Variants in STK32A observed in about 807,000 individuals in gnomAD.
STK32A encodes the protein serine/threonine kinase 32A, also known as serine/threonine-protein kinase 32A.
STK32A carries 41 observed loss-of-function variants against 53.2 expected under a neutral mutation model. The ratio of observed to expected loss-of-function variants is 0.77; its 90% CI spans 0.60 to 1.00. STK32A has a LOEUF of 1.00. STK32A is among the 50% of genes least tolerant of loss of function. The probability of loss-of-function intolerance (pLI) is 0.00; values close to 1 mark genes in which losing one functional copy is unlikely to be tolerated. For synonymous variants in STK32A, 166 were observed against 162.8 expected (o/e 1.02, Z -0.15); for missense variants, 458 against 485.8 (o/e 0.94, Z 0.54).
At chr5:147,297,083 A>G (rs1752902030) in intron 4 of STK32A, among the ~76,000 whole-genome samples, 2 of 152,192 alleles carry the variant, frequency 1.3e-5, no homozygotes, top group Admixed American at 1.3e-4. Flanking sequence ...CCAAACCAAT[A>G]CACCTTAACC....
rs530186059 is a variant in STK32A at position 147,343,210 on chromosome 5, A to C, written c.472+167A>C. 227 of 789,486 alleles carry C rather than the reference A, an allele frequency of 2.9e-4. 3 individuals are homozygous for C. The South Asian group carries it at 3.0e-3, about 10-fold the overall frequency. The allele number at this position is 789,486 out of a possible 1,614,324, so 48.9% of individuals were successfully genotyped here. On this transcript the variant is annotated intron_variant, in intron 6 of 12. Transcript: ENST00000397936. ...ATGGGGGAACTTTATTACTTATGGC[A>C]GGTTATAGTACAACAATACACCCTT...
chr5:147,242,581 T>C (rs1300084546), intron 2 of STK32A, among the ~76,000 whole-genome samples: 1 of 152,064 alleles, frequency 6.6e-6, no homozygotes, highest in Non-Finnish European at 1.5e-5. Flanking sequence ...GCCTGAAAGA[T>C]GAGAAGAAGC....
At chr5:147,360,052 G>A (rs1017991474) in intron 7 of STK32A, among the ~76,000 whole-genome samples, 9 of 152,118 alleles carry the variant, frequency 5.9e-5, no homozygotes, top group African/African-American at 2.2e-4. Flanking sequence ...ATGAATGTTT[G>A]CCTCTCTAGA....
intron 4 of STK32A, 87 bp from the exon 5 acceptor site, chr5:147,323,806 ACTCTG>A: frequency 1.8e-6 from 2 of 1,120,658 alleles, no homozygotes; most frequent in Non-Finnish European, 2.5e-6. Context: ...GCTCAAGAAC[ACTCTG>A]CTCTGATCTG....
chr5:147,374,139 T>A (rs925439729), intron 10 of STK32A, among the ~76,000 whole-genome samples: 2 of 151,502 alleles, frequency 1.3e-5, no homozygotes, highest in Non-Finnish European at 2.9e-5. Flanking sequence ...GAAAAAAAAA[T>A]TAGGCAGGCG....
chr5:147,300,601 G>A (rs184868914), intron 4 of STK32A, among the ~76,000 whole-genome samples: 1 of 152,298 alleles, frequency 6.6e-6, no homozygotes, highest in African/African-American at 2.4e-5. Context: ...TAAGGCCTTT[G>A]GCTTCTGGTT....
At position 147,311,358 on chromosome 5, in the gene STK32A, G is replaced by GAAAA. The variant is rs1753685038; in HGVS notation, c.261-12538_261-12537insAAAA. Among the ~76,000 whole-genome samples, 4 of 152,134 alleles carry GAAAA rather than the reference G, an allele frequency of 2.6e-5. No homozygotes were observed. The South Asian group carries it at 8.3e-4, about 32-fold the overall frequency. ...TTATTCTCAGCACCTTGCACAACATGAATATACAAAAAATATTTGTAAAAT... is the reference window on the plus strand; with the variant it reads ...TTATTCTCAGCACCTTGCACAACATGAAAAAATATACAAAAAATATTTGTAAAAT... On this transcript the variant is annotated intron_variant, in intron 4 of 12. Transcript: ENST00000397936.
chr5:147,344,650 A>G (rs1200682574), intron 6 of STK32A, among the ~76,000 whole-genome samples: 1 of 152,186 alleles, frequency 6.6e-6, no homozygotes, highest in African/African-American at 2.4e-5. Context: ...CTTCTAGCCT[A>G]TAGAGGCCAC....
At chr5:147,290,785 A>G (rs1752564123) in intron 4 of STK32A, among the ~76,000 whole-genome samples, 1 of 152,178 alleles carries the variant, frequency 6.6e-6, no homozygotes, top group African/African-American at 2.4e-5. Flanking sequence ...TTCTGAAAAT[A>G]TGATTAAGTA....
intron 2 of STK32A, among the ~76,000 whole-genome samples, chr5:147,265,985 GGTAAA>G (rs1343169139): frequency 6.6e-6 from 1 of 152,046 alleles, no homozygotes; most frequent in Non-Finnish European, 1.5e-5. Flanking sequence ...CTTAAAAATG[GGTAAA>G]GTGCCAGCCG....
chr5:147,297,126 A>G (rs917787034), intron 4 of STK32A, among the ~76,000 whole-genome samples: 3 of 152,236 alleles, frequency 2.0e-5, no homozygotes, highest in African/African-American at 7.2e-5. Context: ...TCAACTAGGC[A>G]TTTCCAAAGA....
At chr5:147,336,743 C>T (rs564787182) in intron 5 of STK32A, among the ~76,000 whole-genome samples, 1 of 152,166 alleles carries the variant, frequency 6.6e-6, no homozygotes, top group Non-Finnish European at 1.5e-5. Flanking sequence ...ATAATTTTCC[C>T]TCACTCGCTC....
chr5:147,305,441 C>G (rs1753358542), intron 4 of STK32A, among the ~76,000 whole-genome samples: 1 of 152,084 alleles, frequency 6.6e-6, no homozygotes, highest in South Asian at 2.1e-4. Flanking sequence ...CGGGCTTCAT[C>G]CAGGACCAGC....
At chr5:147,279,950 G>A (rs1751973003) in intron 4 of STK32A, among the ~76,000 whole-genome samples, 1 of 152,170 alleles carries the variant, frequency 6.6e-6, no homozygotes, top group African/African-American at 2.4e-5. Context: ...CCCCAACTGT[G>A]GAGGTGGGAA....
At chr5:147,401,417 T>C in the STK32A span, 1 of 1,151,072 alleles carries the variant, frequency 8.7e-7, no homozygotes, top group South Asian at 1.7e-5. Context: ...GAATTCCCAA[T>C]ACACTGTTCA....
intron 2 of STK32A, among the ~76,000 whole-genome samples, chr5:147,264,501 G>A (rs1298231658): frequency 6.6e-6 from 1 of 152,154 alleles, no homozygotes; most frequent in Non-Finnish European, 1.5e-5. Context: ...TAATTCCAGG[G>A]AAAGCCAAAA....
chr5:147,260,202 CTCTCTCTCT>C (rs1294812482), intron 2 of STK32A, among the ~76,000 whole-genome samples: 9 of 46,714 alleles, frequency 1.9e-4, no homozygotes, highest in African/African-American at 9.1e-4. Flanking sequence ...TCTCTCTCTC[CTCTCTCTCT>C]CCTCTCTCTC....
At chr5:147,361,388 G>A (rs1159907953) in intron 7 of STK32A, 129 bp from the exon 8 acceptor site, 27 of 706,450 alleles carry the variant, frequency 3.8e-5, no homozygotes, top group South Asian at 9.6e-5. Flanking sequence ...ATCTAGCAAC[G>A]GATGATAAAC....
At chr5:147,317,563 G>T (rs1412236362) in intron 4 of STK32A, among the ~76,000 whole-genome samples, 2 of 151,834 alleles carry the variant, frequency 1.3e-5, no homozygotes, top group African/African-American at 4.8e-5. Context: ...CTGACCTCGT[G>T]ATCCACCCGC....
Sources: allele counts gnomAD v4.1 joint callset (sites outside exome capture counted in the v4.1 genomes callset), GRCh38; gene constraint gnomAD v4.1.1; transcripts MANE v1.5; gene names NCBI Gene and HGNC (gene_info 2026-07-23, HGNC 2026-07-21).